The following WWOX variants were observed in gnomAD, a reference collection of about 807,000 sequenced individuals.
The protein encoded by WWOX is WW domain-containing oxidoreductase.
WWOX carries 69 observed loss-of-function variants against 46.2 expected under a neutral mutation model. The observed-to-expected ratio is 1.49, with a 90% CI of 1.23 to 1.82. The LOEUF (loss-of-function observed/expected upper bound fraction) is 1.82. WWOX is among the 40% of genes most tolerant of loss of function. The pLI, the probability that WWOX is intolerant of heterozygous loss-of-function variation, is 0.00. For missense variants in WWOX, 919 were observed against 542.6 expected (o/e 1.69, Z -6.89); for synonymous variants, 359 against 202.6 (o/e 1.77, Z -6.56).
chr16:78,555,158 T>A (rs1445052329), intron 8 of WWOX, among the ~76,000 whole-genome samples: 1 of 102,906 alleles, frequency 9.7e-6, no homozygotes, highest in Non-Finnish European at 1.9e-5. Flanking sequence ...TAGTTAATGC[T>A]ATGATTTTGT....
At chr16:78,977,813 A>G (rs552407404) in intron 8 of WWOX, among the ~76,000 whole-genome samples, 1 of 152,146 alleles carries the variant, frequency 6.6e-6, no homozygotes, top group African/African-American at 2.4e-5. Context: ...CCAAGCTCCC[A>G]TCTGGGAAGC....
At chr16:78,172,628 G>T (rs538465914) in intron 5 of WWOX, among the ~76,000 whole-genome samples, 1 of 147,186 alleles carries the variant, frequency 6.8e-6, no homozygotes, top group South Asian at 2.1e-4. Context: ...TCGCAGTCTT[G>T]AACCGAATCT....
At chr16:78,830,306 A>C (rs968479672) in intron 8 of WWOX, among the ~76,000 whole-genome samples, 3 of 134,634 alleles carry the variant, frequency 2.2e-5, no homozygotes, top group African/African-American at 7.9e-5. Flanking sequence ...CATAATAAGC[A>C]TATTTATATA....
At chr16:78,539,999 C>G (rs1291876496) in intron 8 of WWOX, among the ~76,000 whole-genome samples, 1 of 86,140 alleles carries the variant, frequency 1.2e-5, no homozygotes, top group African/African-American at 4.5e-5. Flanking sequence ...CTCTCTCTTT[C>G]TCTCTCTCTC....
At chr16:78,677,191 C>T (rs890931829) in intron 8 of WWOX, among the ~76,000 whole-genome samples, 1 of 152,000 alleles carries the variant, frequency 6.6e-6, no homozygotes, top group African/African-American at 2.4e-5. Context: ...TGAGGGGGTC[C>T]CAGGCAATCA....
rs1265079848 is a variant in WWOX at position 78,696,126 on chromosome 16, C to T, written c.1056+263374C>T. Among the ~76,000 whole-genome samples the T allele has an allele frequency of 3.3e-5, 5 of 152,296 alleles. No homozygotes were observed. In the South Asian group the frequency reaches 1.0e-3, roughly 32 times the overall value. On this transcript the variant is annotated intron_variant, in intron 8 of 8. Coordinates refer to ENST00000566780, the MANE Select transcript of WWOX (RefSeq NM_016373.4). ...AGCAGGAAACATAGGAGAGAAGCCA[C>T]TAGGGGTGGGAATCAGAAATACGGT...
At chr16:78,100,737 A>C (rs1345132232) in intron 1 of WWOX, among the ~76,000 whole-genome samples, 1 of 152,216 alleles carries the variant, frequency 6.6e-6, no homozygotes, top group Non-Finnish European at 1.5e-5. Context: ...TGCGTAAAGC[A>C]CATAGCACCG....
chr16:79,168,225 C>G (rs1048240292), intron 8 of WWOX, among the ~76,000 whole-genome samples: 2 of 152,148 alleles, frequency 1.3e-5, no homozygotes, highest in Non-Finnish European at 2.9e-5. Flanking sequence ...CATGTTCTCA[C>G]TTTTCTTGGG....
intron 5 of WWOX, among the ~76,000 whole-genome samples, chr16:78,382,893 T>C (rs2081985018): frequency 6.6e-6 from 1 of 152,018 alleles, no homozygotes; most frequent in African/African-American, 2.4e-5. Context: ...GTGTAATTTA[T>C]AAAGAAAGCA....
chr16:78,210,960 G>C (rs904588267), intron 5 of WWOX, among the ~76,000 whole-genome samples: 1 of 152,178 alleles, frequency 6.6e-6, no homozygotes, highest in Non-Finnish European at 1.5e-5. Flanking sequence ...CTGGGATAAA[G>C]TGGCCTTGGC....
intron 8 of WWOX, among the ~76,000 whole-genome samples, chr16:78,971,951 C>T (rs977717629): frequency 6.6e-6 from 1 of 152,186 alleles, no homozygotes; most frequent in Non-Finnish European, 1.5e-5. Context: ...CTCAGGCGCA[C>T]ACTCGGGGAG....
At chr16:78,673,911 G>C (rs1007538286) in intron 8 of WWOX, among the ~76,000 whole-genome samples, 2 of 152,088 alleles carry the variant, frequency 1.3e-5, no homozygotes, top group Non-Finnish European at 1.5e-5. Context: ...TGTTTAATTG[G>C]TTCATCCCAT....
At chr16:78,421,040 C>T (rs2082916015) in intron 6 of WWOX, among the ~76,000 whole-genome samples, 1 of 151,956 alleles carries the variant, frequency 6.6e-6, no homozygotes, top group Non-Finnish European at 1.5e-5. Flanking sequence ...GCTTCTAGTT[C>T]ATATGTAATT....
intron 8 of WWOX, among the ~76,000 whole-genome samples, chr16:78,720,990 A>G (rs1242494218): frequency 1.3e-5 from 2 of 152,134 alleles, no homozygotes; most frequent in African/African-American, 2.4e-5. Context: ...GTGCCTGGAG[A>G]GTTGCCTTTC....
intron 5 of WWOX, among the ~76,000 whole-genome samples, chr16:78,207,531 T>C (rs1304601511): frequency 6.6e-6 from 1 of 151,990 alleles, no homozygotes; most frequent in Non-Finnish European, 1.5e-5. Context: ...GTTACTTTGT[T>C]AGGATTAAAG....
chr16:78,723,585 T>TC (rs2048747369), intron 8 of WWOX, among the ~76,000 whole-genome samples: 3 of 29,542 alleles, frequency 1.0e-4, no homozygotes, highest in African/African-American at 6.0e-4. Flanking sequence ...TTCTTTTCTT[T>TC]TCTTTTCTTT....
At chr16:78,442,062 G>A (rs2151396849) in intron 8 of WWOX, among the ~76,000 whole-genome samples, 1 of 151,862 alleles carries the variant, frequency 6.6e-6, no homozygotes, top group South Asian at 2.1e-4. Context: ...ACTTGAGCCT[G>A]GGAGTTGGAG....
At chr16:78,639,024 C>G (rs1234793490) in intron 8 of WWOX, among the ~76,000 whole-genome samples, 1 of 152,140 alleles carries the variant, frequency 6.6e-6, no homozygotes, top group African/African-American at 2.4e-5. Flanking sequence ...CCTTTATAAT[C>G]TTTTACCCGT....
intron 8 of WWOX, among the ~76,000 whole-genome samples, chr16:79,088,644 G>C (rs971603983): frequency 5.3e-5 from 8 of 152,162 alleles, no homozygotes; most frequent in Non-Finnish European, 8.8e-5. Flanking sequence ...ATTTTTCTCA[G>C]ATGATAACAT....
Sources: gnomAD v4.1 joint callset for allele counts (sites outside exome capture counted in the v4.1 genomes callset) on GRCh38, gnomAD v4.1.1 for gene constraint, MANE v1.5 for transcripts, NCBI Gene and HGNC (gene_info 2026-07-23, HGNC 2026-07-21) for gene names.